Variants in CNTN1 observed in about 807,000 individuals in gnomAD.
CNTN1 encodes contactin 1.
CNTN1 carries 38 observed loss-of-function variants against 126.4 expected under a neutral mutation model. The ratio of observed to expected loss-of-function variants is 0.30; its 90% CI spans 0.23 to 0.39. The LOEUF is 0.39. CNTN1 is among the 10% of genes least tolerant of loss of function. The probability of loss-of-function intolerance (pLI) is 1.00; values close to 1 mark genes in which losing one functional copy is unlikely to be tolerated. For synonymous variants in CNTN1, 413 were observed against 422.6 expected, an observed-to-expected ratio of 0.98 and a Z score of 0.28; for missense variants, 1,009 against 1,248.4, an observed-to-expected ratio of 0.81 and a Z score of 2.89.
At chr12:40,889,648 G>A (rs1294957977) in intron 1 of CNTN1, among the ~76,000 whole-genome samples, 1 of 151,862 alleles carries the variant, frequency 6.6e-6, no homozygotes, top group African/African-American at 2.4e-5. Context: ...CTTAAAGAAG[G>A]GCAGAAATGG....
chr12:40,795,486 A>G (rs1488395965), intron 1 of CNTN1, among the ~76,000 whole-genome samples: 23 of 151,906 alleles, frequency 1.5e-4, no homozygotes, highest in Admixed American at 1.5e-3. Flanking sequence ...TATATAGAAT[A>G]CATATATTCA....
At chr12:41,027,759 G>A (rs569634455) in intron 21 of CNTN1, 98 bp from the exon 22 acceptor site, 1 of 783,328 alleles carries the variant, frequency 1.3e-6, no homozygotes, top group South Asian at 1.4e-5. Flanking sequence ...AGATGGTGGT[G>A]GTCATTATCA....
At chr12:40,883,570 TA>T (rs1477792956) in intron 1 of CNTN1, among the ~76,000 whole-genome samples, 1 of 151,166 alleles carries the variant, frequency 6.6e-6, no homozygotes, top group South Asian at 2.1e-4. Context: ...ATGTTTGATA[TA>T]AAAAAAAGAC....
At chr12:40,849,893 T>C (rs755871979) in intron 1 of CNTN1, among the ~76,000 whole-genome samples, 1 of 151,996 alleles carries the variant, frequency 6.6e-6, no homozygotes, top group Non-Finnish European at 1.5e-5. Flanking sequence ...AGTATATATA[T>C]AGTACATACA....
chr12:40,774,315 G>A (rs558254109), intron 1 of CNTN1, among the ~76,000 whole-genome samples: 1 of 151,684 alleles, frequency 6.6e-6, no homozygotes, highest in Admixed American at 6.6e-5. Context: ...TGTGGGGTTT[G>A]TATTGTTGGA....
At chr12:41,016,622 G>C (rs1444922482) in intron 18 of CNTN1, 60 bp from the exon 19 acceptor site, 3 of 1,057,854 alleles carry the variant, frequency 2.8e-6, no homozygotes, top group Non-Finnish European at 4.4e-6. Context: ...TATCCCCATA[G>C]CATTTCCTCC....
chr12:40,924,079 G>T (rs190520668), intron 5 of CNTN1, among the ~76,000 whole-genome samples: 20 of 152,160 alleles, frequency 1.3e-4, no homozygotes, highest in African/African-American at 4.6e-4. Context: ...TTACTTTCAC[G>T]TTCCCTAATG....
At chr12:40,859,240 T>C (rs1928558) in intron 1 of CNTN1, among the ~76,000 whole-genome samples, 85,036 of 151,912 alleles carry the variant, frequency 0.56, 25,438 homozygotes, top group African/African-American at 0.8. Flanking sequence ...GTAAAATAAA[T>C]GACTAATAGA....
intron 17 of CNTN1, among the ~76,000 whole-genome samples, chr12:40,994,198 G>A (rs753482136): frequency 6.6e-6 from 1 of 152,028 alleles, no homozygotes; most frequent in African/African-American, 2.4e-5. Context: ...TTCCAAGAAA[G>A]AAGGAGGGAG....
At chr12:40,991,168 T>C (rs1283669523) in intron 16 of CNTN1, among the ~76,000 whole-genome samples, 7 of 152,172 alleles carry the variant, frequency 4.6e-5, no homozygotes, top group African/African-American at 1.4e-4. Flanking sequence ...CCTTGCTTCT[T>C]TCAGCTTCTG....
At chr12:40,724,133 A>G (rs1432414515) in intron 1 of CNTN1, among the ~76,000 whole-genome samples, 1 of 152,178 alleles carries the variant, frequency 6.6e-6, no homozygotes, top group Non-Finnish European at 1.5e-5. Flanking sequence ...TTAAAGACAA[A>G]TTAGAACATT....
At chr12:40,822,713 A>C (rs995606208) in intron 1 of CNTN1, among the ~76,000 whole-genome samples, 5 of 152,200 alleles carry the variant, frequency 3.3e-5, no homozygotes, top group African/African-American at 7.2e-5. Context: ...GCTTTAAAAA[A>C]AATCTATAGA....
intron 7 of CNTN1, among the ~76,000 whole-genome samples, chr12:40,931,510 T>C (rs1945882585): frequency 1.3e-5 from 2 of 151,998 alleles, no homozygotes; most frequent in African/African-American, 4.8e-5. Context: ...AGATGTCAAT[T>C]CTTCCTATAT....
chr12:40,944,276 G>A (rs1946361785), intron 14 of CNTN1, 106 bp downstream of exon 14: 2 of 1,120,798 alleles, frequency 1.8e-6, no homozygotes, highest in Middle Eastern at 5.3e-4. Context: ...TGTTTTTCAT[G>A]AGACCAAAAA....
At position 40,828,946 on chromosome 12, in the gene CNTN1, A is replaced by G. The variant is rs529085665; in HGVS notation, c.-76-79411A>G. ...ATGTATGGATAGATGACGTGTTGTGACATTTACCCAAAAAAGAGTTTTATT... is the reference window on the plus strand; with the variant it reads ...ATGTATGGATAGATGACGTGTTGTGGCATTTACCCAAAAAAGAGTTTTATT... On this transcript the variant is annotated intron_variant, in intron 1 of 23. Transcript: ENST00000551295. Among the ~76,000 whole-genome samples, 7 of 152,288 alleles carry G rather than the reference A, an allele frequency of 4.6e-5. No individual in the cohort carries two copies. The South Asian group carries it at 1.5e-3, about 32-fold the overall frequency.
intron 18 of CNTN1, 35 bp downstream of exon 18, chr12:41,014,333 C>T (rs1948733007): frequency 6.3e-7 from 1 of 1,599,854 alleles, no homozygotes; most frequent in African/African-American, 1.3e-5. Context: ...TTATAGGTTG[C>T]TGTATCTATA....
chr12:40,722,639 A>G (rs1196227657), intron 1 of CNTN1, among the ~76,000 whole-genome samples: 3 of 152,094 alleles, frequency 2.0e-5, no homozygotes, highest in East Asian at 1.9e-4. Context: ...CGCACACACT[A>G]TCCATGTTTT....
At chr12:40,983,638 T>C (rs1947876580) in intron 16 of CNTN1, among the ~76,000 whole-genome samples, 1 of 151,288 alleles carries the variant, frequency 6.6e-6, no homozygotes, top group Non-Finnish European at 1.5e-5. Context: ...AGAATAGGTT[T>C]TATAATTTTA....
chr12:40,987,351 T>C (rs1045165761), intron 16 of CNTN1, among the ~76,000 whole-genome samples: 6 of 152,216 alleles, frequency 3.9e-5, no homozygotes, highest in African/African-American at 7.2e-5. Flanking sequence ...GGCAATCTAT[T>C]GTAAATTTTA....
Sources: gnomAD v4.1 joint callset for allele counts (sites outside exome capture counted in the v4.1 genomes callset) on GRCh38, gnomAD v4.1.1 for gene constraint, MANE v1.5 for transcripts, NCBI Gene and HGNC (gene_info 2026-07-23, HGNC 2026-07-21) for gene names.